The following ANK3 variants were observed in gnomAD, a reference collection of about 807,000 sequenced individuals.
ANK3 encodes ankyrin-3.
In ANK3, 57 loss-of-function variants were observed where a neutral mutation model predicts 370.9. The ratio of observed to expected loss-of-function variants is 0.15; its 90% CI spans 0.12 to 0.19. The LOEUF is 0.19. Among genes scored for constraint, ANK3 ranks in the 10% least tolerant of loss-of-function variants. The pLI is 1.00. For missense variants in ANK3, 4,439 were observed against 5,302.1 expected (o/e 0.84, Z 5.06); for synonymous variants, 1,929 against 1,946.3 (o/e 0.99, Z 0.23).
intron 29 of ANK3, 121 bp downstream of exon 29, chr10:60,088,026 A>T: frequency 1.3e-6 from 1 of 771,318 alleles, no homozygotes; most frequent in Non-Finnish European, 2.2e-6. Context: ...TAGGTAAATG[A>T]TTCCCCAAAC....
At position 60,276,493 on chromosome 10, in the gene ANK3, G is replaced by A. The variant is rs189290800; in HGVS notation, c.414+2281C>T. On this transcript the variant is annotated intron_variant, in intron 4 of 43. Transcript: ENST00000280772. ...ACAATGCAGTTCAGAAGGCATATGAGGGCAGGTGTTCAGATGAAGGGGCAA... is the reference window on the plus strand; with the variant it reads ...ACAATGCAGTTCAGAAGGCATATGAAGGCAGGTGTTCAGATGAAGGGGCAA... Among the ~76,000 whole-genome samples, 30 of 152,304 alleles carry A rather than the reference G, an allele frequency of 2.0e-4. No homozygotes were observed. The East Asian group carries it at 5.8e-3, about 29-fold the overall frequency.
chr10:60,664,979 G>A (rs7094127), intron 1 of ANK3, among the ~76,000 whole-genome samples: 51,923 of 151,960 alleles, frequency 0.34, 9,070 homozygotes, highest in African/African-American at 0.38. Flanking sequence ...TTACAGGATC[G>A]TGTTACAAAA....
intron 2 of ANK3, among the ~76,000 whole-genome samples, chr10:60,398,498 A>G (rs1354596341): frequency 6.6e-6 from 1 of 152,202 alleles, no homozygotes; most frequent in East Asian, 1.9e-4. Context: ...ACATGTATGT[A>G]TACATGTGTG....
At chr10:60,645,311 C>T (rs1166555213) in intron 1 of ANK3, among the ~76,000 whole-genome samples, 1 of 152,124 alleles carries the variant, frequency 6.6e-6, no homozygotes, top group East Asian at 1.9e-4. Flanking sequence ...TATAAATCCA[C>T]TTGTTATTCT....
chr10:60,056,502 G>A (rs534809823), intron 41 of ANK3, among the ~76,000 whole-genome samples: 62 of 152,146 alleles, frequency 4.1e-4, no homozygotes, highest in African/African-American at 1.3e-3. Flanking sequence ...GGGCTCTCAT[G>A]GGTGCGGTGT....
chr10:60,610,502 GAAA>G (rs34160333), intron 2 of ANK3, among the ~76,000 whole-genome samples: 1 of 146,302 alleles, frequency 6.8e-6, no homozygotes. Context: ...AACGAGAGCG[GAAA>G]AAAAAAAAAA....
Position 60,075,443 on chromosome 10 carries a change from G to A in ANK3, c.5438C>T (p.Ser1813Leu). Residue 1813 changes from serine to leucine, a missense_variant, in exon 37 of 44, where the codon TCA becomes TTA. Transcript: ENST00000280772. ...TGTTATAATTGATGAAGTTACAGAT[G>A]AGGTAGTTGCAGATATTGACGACCC... ...SLGSSISATTSSVTSSIITVP... is the reference protein window; with the variant it reads ...SLGSSISATTLSVTSSIITVP... 6.2e-7 allele frequency: 1 copy of A among 1,612,810 alleles called. No homozygotes were observed. The highest frequency in any genetic ancestry group is 8.5e-7 in the Non-Finnish European group (1 of 1,179,982).
intron 1 of ANK3, among the ~76,000 whole-genome samples, chr10:60,617,565 G>C (rs2133325260): frequency 6.6e-6 from 1 of 152,218 alleles, no homozygotes; most frequent in Non-Finnish European, 1.5e-5. Context: ...ATAATGTACA[G>C]AAATCCCTTC....
At chr10:60,135,293 G>A (rs1294360225) in intron 24 of ANK3, among the ~76,000 whole-genome samples, 1 of 152,182 alleles carries the variant, frequency 6.6e-6, no homozygotes, top group African/African-American at 2.4e-5. Context: ...GAGCTTCCAC[G>A]AGATCATCTG....
At chr10:60,250,463 CA>C (rs2097638929) in intron 7 of ANK3, among the ~76,000 whole-genome samples, 1 of 152,180 alleles carries the variant, frequency 6.6e-6, no homozygotes, top group African/African-American at 2.4e-5. Flanking sequence ...CTCCCAGGTT[CA>C]AGCAATTCTC....
chr10:60,542,931 T>C (rs1202604933), intron 2 of ANK3, among the ~76,000 whole-genome samples: 2 of 151,970 alleles, frequency 1.3e-5, no homozygotes, highest in Non-Finnish European at 2.9e-5. Context: ...ACACCCTACA[T>C]ACCCAACATG....
intron 2 of ANK3, among the ~76,000 whole-genome samples, chr10:60,426,133 T>C (rs2063881937): frequency 6.6e-6 from 1 of 152,044 alleles, no homozygotes; most frequent in African/African-American, 2.4e-5. Flanking sequence ...CTTCAGTTGA[T>C]TTGTATTTTC....
chr10:60,106,140 T>A, intron 27 of ANK3, 81 bp from the exon 28 acceptor site: 1 of 1,298,512 alleles, frequency 7.7e-7, no homozygotes. Flanking sequence ...TCGTTAACAG[T>A]ATTCATTTGA....
intron 2 of ANK3, among the ~76,000 whole-genome samples, chr10:60,550,633 C>T (rs1202275257): frequency 6.6e-6 from 1 of 151,858 alleles, no homozygotes; most frequent in African/African-American, 2.4e-5. Flanking sequence ...AACAAAATGG[C>T]AGCATGAAAG....
At chr10:60,111,329 C>A (rs967217652) in intron 26 of ANK3, among the ~76,000 whole-genome samples, 4 of 152,130 alleles carry the variant, frequency 2.6e-5, no homozygotes, top group African/African-American at 9.7e-5. Flanking sequence ...CACCAGCAAC[C>A]ATTTATTGTT....
intron 1 of ANK3, among the ~76,000 whole-genome samples, chr10:60,387,276 G>A (rs1378923028): frequency 2.0e-5 from 3 of 152,122 alleles, no homozygotes; most frequent in African/African-American, 7.2e-5. Context: ...TCTACAACAT[G>A]GAACGAAGTA....
intron 9 of ANK3, among the ~76,000 whole-genome samples, chr10:60,211,892 C>CAAAAAAAAAAAAAAAAAAAAAAAAAAA: frequency 1.1e-5 from 1 of 93,398 alleles, no homozygotes; most frequent in Non-Finnish European, 2.0e-5. Context: ...AATACAGAGC[C>CAAAAAAAAAAAAAAAAAAAAAAAAAAA]AAAAAAAAAA....
intron 8 of ANK3, among the ~76,000 whole-genome samples, chr10:60,217,575 C>T (rs886312585): frequency 1.4e-4 from 22 of 152,060 alleles, no homozygotes; most frequent in East Asian, 7.7e-4. Flanking sequence ...TAGTTTTCAG[C>T]GAGTTTCTTA....
intron 2 of ANK3, among the ~76,000 whole-genome samples, chr10:60,522,346 C>CTTT (rs11425050): frequency 2.1e-5 from 3 of 144,678 alleles, no homozygotes; most frequent in Non-Finnish European, 4.5e-5. Flanking sequence ...CATATTGAGA[C>CTTT]TTTTTTTTTT....
Sources: gnomAD v4.1 joint callset for allele counts (sites outside exome capture counted in the v4.1 genomes callset) on GRCh38, gnomAD v4.1.1 for gene constraint, MANE v1.5 for transcripts, NCBI Gene and HGNC (gene_info 2026-07-23, HGNC 2026-07-21) for gene names.